Variants in TADA3 observed in about 807,000 individuals in gnomAD.
The protein encoded by TADA3 is transcriptional adapter 3.
In TADA3, 25 loss-of-function variants were observed where a neutral mutation model predicts 43.2. The observed-to-expected ratio is 0.58, with a 90% CI of 0.42 to 0.81. The LOEUF is 0.81. Ranked by LOEUF, TADA3 falls within the 30% of genes least tolerant of loss-of-function variation. The pLI is 0.00. For missense variants in TADA3, 441 were observed against 567.8 expected (o/e 0.78, Z 2.27); for synonymous variants, 235 against 225.5 (o/e 1.04, Z -0.38).
At chr3:9,784,637 G>A (rs1332250563) in intron 7 of TADA3, among the ~76,000 whole-genome samples, 1 of 151,960 alleles carries the variant, frequency 6.6e-6, no homozygotes, top group East Asian at 1.9e-4. Context: ...GGCCGAGGTG[G>A]GAGGATCACC....
At chr3:9,787,595 A>T in intron 4 of TADA3, 2 of 1,088,124 alleles carry the variant, frequency 1.8e-6, no homozygotes, top group Non-Finnish European at 2.6e-6. Flanking sequence ...GAAGGTGCAG[A>T]ATACGTACAC....
At chr3:9,784,251 G>A (rs772243213) in intron 7 of TADA3, 38 bp from the exon 8 acceptor site, 17 of 1,582,810 alleles carry the variant, frequency 1.1e-5, no homozygotes, top group Non-Finnish European at 1.3e-5. Context: ...TCAAGAGCCA[G>A]CTTGGAGAAG....
intron 8 of TADA3, chr3:9,783,783 AAAAC>A: frequency 1.5e-6 from 1 of 655,782 alleles, no homozygotes. Flanking sequence ...CTCTCAAAAA[AAAAC>A]AAAACAAAAA....
chr3:9,789,269 G>A (rs573278571), intron 4 of TADA3, among the ~76,000 whole-genome samples: 1 of 152,200 alleles, frequency 6.6e-6, no homozygotes, highest in African/African-American at 2.4e-5. Context: ...AAAGGAACAT[G>A]GGCAGACTTC....
Position 9,789,895 on chromosome 3 carries a change from A to G in TADA3, c.276T>C (p.Leu92=), listed in dbSNP as rs776520893. Residue 92 remains leucine (L), a synonymous_variant, in exon 3 of 9, where the codon CTT becomes CTC. Coordinates refer to ENST00000301964, the MANE Select transcript of TADA3 (RefSeq NM_006354.5). ...RFLKLGRDHE[L]GAPPKHGKPK... ...GCTTCCCATGTTTGGGGGGAGCTCC[A>G]AGTTCATGGTCTCGACCCAGCTTCA... is the stretch of plus-strand genomic sequence containing the variant. 1.9e-6 allele frequency: 3 copies of G among 1,614,172 alleles called. No homozygotes were observed. The Admixed American group carries it at 5.0e-5, about 27-fold the overall frequency.
intron 8 of TADA3, 56 bp downstream of exon 8, chr3:9,783,972 C>A: frequency 6.4e-7 from 1 of 1,555,904 alleles, no homozygotes; most frequent in Non-Finnish European, 8.7e-7. Flanking sequence ...AGGTGACTAG[C>A]CGTGGCCACA....
At chr3:9,783,287 G>A (rs1033170127) in intron 8 of TADA3, 1 of 151,010 alleles carries the variant, frequency 6.6e-6, no homozygotes, top group South Asian at 2.1e-4. Context: ...CTACTAAACT[G>A]TACACTTAAA....
At position 9,784,307 on chromosome 3, in the gene TADA3, C is replaced by G. The variant is rs1191252382; in HGVS notation, c.921-94G>C. The G allele has an allele frequency of 2.7e-6, 4 of 1,462,780 alleles. No individual in the cohort carries two copies. In the African/African-American group the frequency reaches 5.7e-5, roughly 21 times the overall value. 90.6% of individuals were successfully genotyped at this position (1,462,780 alleles called of 1,614,324 possible). A position where few individuals can be genotyped will look rare whatever the true frequency, so the allele number is the denominator to read the frequency against. On this transcript the variant is annotated intron_variant, in intron 7 of 8. Transcript: ENST00000301964. ...AGGGCTTCCCAAGGTCAGTGAAAACCTGCCTTTCCCTTTGGGCACCCCCTC... is the reference window on the plus strand; with the variant it reads ...AGGGCTTCCCAAGGTCAGTGAAAACGTGCCTTTCCCTTTGGGCACCCCCTC...
chr3:9,791,091 A>G (rs2078719529), intron 2 of TADA3, among the ~76,000 whole-genome samples, 169 bp downstream of exon 2: 1 of 152,206 alleles, frequency 6.6e-6, no homozygotes, highest in Admixed American at 6.5e-5. Context: ...TAAGAGGATC[A>G]TGCATATTCT....
intron 8 of TADA3, among the ~76,000 whole-genome samples, chr3:9,781,255 G>C (rs561900022): frequency 6.6e-6 from 1 of 152,006 alleles, no homozygotes; most frequent in South Asian, 2.1e-4. Context: ...GACCAACCTC[G>C]GCAACAGAGT....
chr3:9,791,627 T>C, intron 1 of TADA3, 134 bp from the exon 2 acceptor site: 2 of 586,732 alleles, frequency 3.4e-6, no homozygotes, highest in Non-Finnish European at 6.0e-6. Flanking sequence ...CAGTTCCTAC[T>C]CACAGGGCAC....
Position 9,789,976 on chromosome 3 carries a change from G to A in TADA3, c.208-13C>T. The A allele has an allele frequency of 5.7e-6, 9 of 1,576,958 alleles. No individual in the cohort carries two copies. Among genetic ancestry groups the A allele is most frequent in the Non-Finnish European group, 7.7e-6 (9 of 1,162,882 alleles). ...AGTCGGTGAGGATCTGAAATTTACAGAAAGTGTCACTGAGGGGGAGAAGGG... is the reference window on the plus strand; with the variant it reads ...AGTCGGTGAGGATCTGAAATTTACAAAAAGTGTCACTGAGGGGGAGAAGGG... On this transcript the variant is annotated splice_polypyrimidine_tract_variant and intron_variant, in intron 2 of 8. Transcript: ENST00000301964.
At chr3:9,792,913 T>G (rs1428093396), upstream of TADA3, 10 of 1,392,058 alleles carry the variant, frequency 7.2e-6, no homozygotes, top group South Asian at 7.9e-5. Context: ...GTGACTCGAG[T>G]GCAAGAATTT....
At chr3:9,789,641 G>T (rs1298100538) in intron 3 of TADA3, 27 bp from the exon 4 acceptor site, 1 of 1,612,610 alleles carries the variant, frequency 6.2e-7, no homozygotes, top group South Asian at 1.1e-5. Context: ...ATCCTGAGTG[G>T]GCGCCCCTGC....
At chr3:9,787,984 T>C (rs892928537) in intron 4 of TADA3, 8 of 325,790 alleles carry the variant, frequency 2.5e-5, no homozygotes, top group African/African-American at 1.5e-4. Flanking sequence ...TTGGTGGGAC[T>C]GGTCAACACG....
At chr3:9,786,749 C>T (rs766958136) in intron 6 of TADA3, among the ~76,000 whole-genome samples, 9 of 152,156 alleles carry the variant, frequency 5.9e-5, no homozygotes, top group Non-Finnish European at 1.3e-4. Flanking sequence ...AGTAATGTTT[C>T]ATTTTGTAAT....
At chr3:9,791,228 C>T (rs1432017979) in intron 2 of TADA3, 32 bp downstream of exon 2, 1 of 1,592,562 alleles carries the variant, frequency 6.3e-7, no homozygotes, top group East Asian at 2.2e-5. Flanking sequence ...TGCAGTCCAT[C>T]TCTGGTGCTG....
chr3:9,782,036 C>T (rs1339853597), intron 8 of TADA3, among the ~76,000 whole-genome samples: 1 of 151,942 alleles, frequency 6.6e-6, no homozygotes, highest in African/African-American at 2.4e-5. Context: ...GGGGGTCTGA[C>T]TACATTGCCC....
Position 9,780,209 on chromosome 3 carries a change from A to G in TADA3, c.*148T>C. The G allele has an allele frequency of 1.3e-6, 1 of 785,384 alleles. No individual in the cohort carries two copies. The highest frequency in any genetic ancestry group is 2.0e-6 in the Non-Finnish European group (1 of 505,632). The allele number at this position is 785,384 out of a possible 1,614,324, so 48.7% of individuals were successfully genotyped here. On this transcript the variant is annotated 3_prime_UTR_variant, in exon 9 of 9. Transcript: ENST00000301964. Reference sequence around the variant, plus strand: ...TCCTGGTTGTACAGAGCTAGGCCAAAAGACCTCAGGGGAAGGGCCACGGCC... The same window carrying G: ...TCCTGGTTGTACAGAGCTAGGCCAAGAGACCTCAGGGGAAGGGCCACGGCC...
Sources: gnomAD v4.1 joint callset for allele counts (sites outside exome capture counted in the v4.1 genomes callset) on GRCh38, gnomAD v4.1.1 for gene constraint, MANE v1.5 for transcripts, NCBI Gene and HGNC (gene_info 2026-07-23, HGNC 2026-07-21) for gene names.